The following NEK11 variants were observed in gnomAD, a reference collection of about 807,000 sequenced individuals.
The protein encoded by NEK11 is NIMA related kinase 11, also known as serine/threonine-protein kinase Nek11.
A neutral mutation model predicts 80.7 loss-of-function variants in NEK11; 72 were observed. The observed-to-expected ratio is 0.89, with a 90% CI of 0.74 to 1.08. The LOEUF is 1.08. NEK11 is among the 50% of genes least tolerant of loss of function. NEK11 has a pLI of 0.00. For missense variants in NEK11, 764 were observed against 763.6 expected (o/e 1.00, Z -0.01); for synonymous variants, 251 against 260.7 (o/e 0.96, Z 0.36).
chr3:131,337,237 T>A (rs2097200724), intron 17 of NEK11, among the ~76,000 whole-genome samples: 1 of 151,030 alleles, frequency 6.6e-6, no homozygotes, highest in Non-Finnish European at 1.5e-5. Context: ...AATGATAGAC[T>A]GGATTAAGAA....
At chr3:131,109,648 G>C (rs937785101) in intron 4 of NEK11, 155 bp from the exon 5 acceptor site, 10 of 757,326 alleles carry the variant, frequency 1.3e-5, no homozygotes, top group South Asian at 2.1e-5. Flanking sequence ...AAGGAACCTG[G>C]ATAGACTTTG....
intron 10 of NEK11, among the ~76,000 whole-genome samples, chr3:131,159,423 C>G (rs569711490): frequency 3.3e-5 from 5 of 152,216 alleles, no homozygotes; most frequent in South Asian, 2.1e-4. Context: ...AGAAAAATAG[C>G]TAGTATAGAA....
intron 17 of NEK11, among the ~76,000 whole-genome samples, chr3:131,274,896 A>G (rs1271665160): frequency 2.0e-4 from 29 of 144,608 alleles, no homozygotes; most frequent in African/African-American, 4.8e-4. Flanking sequence ...CTCGTGATCC[A>G]CCCGCCTCGG....
At chr3:131,136,328 G>C (rs1013134801) in intron 7 of NEK11, among the ~76,000 whole-genome samples, 5 of 152,110 alleles carry the variant, frequency 3.3e-5, no homozygotes, top group African/African-American at 1.2e-4. Context: ...ATTAATTATA[G>C]TGTCAGATAC....
At chr3:131,121,593 A>G (rs962013077) in intron 5 of NEK11, among the ~76,000 whole-genome samples, 1 of 152,192 alleles carries the variant, frequency 6.6e-6, no homozygotes, top group South Asian at 2.1e-4. Flanking sequence ...GGTGGAGTCT[A>G]CAGAGGCAGG....
intron 14 of NEK11, among the ~76,000 whole-genome samples, chr3:131,203,134 G>A (rs1049171697): frequency 6.6e-6 from 1 of 152,126 alleles, no homozygotes; most frequent in East Asian, 1.9e-4. Flanking sequence ...GCACTTGTAT[G>A]TTTATTGTGG....
At chr3:131,034,405 ATT>A (rs893287873) in intron 3 of NEK11, among the ~76,000 whole-genome samples, 7 of 148,132 alleles carry the variant, frequency 4.7e-5, no homozygotes, top group Non-Finnish European at 1.0e-4. Context: ...TACAATTTAA[ATT>A]TTTTTTTTTT....
chr3:131,255,079 G>GGAAAGAAA (rs59699596), intron 16 of NEK11, among the ~76,000 whole-genome samples: 5,026 of 119,054 alleles, frequency 0.042, 158 homozygotes, highest in African/African-American at 0.074. Context: ...ACAGAAAGAA[G>GGAAAGAAA]GAAAGAAAGA....
intron 3 of NEK11, among the ~76,000 whole-genome samples, chr3:131,032,007 G>C (rs2109309350): frequency 6.6e-6 from 1 of 151,504 alleles, no homozygotes; most frequent in Non-Finnish European, 1.5e-5. Context: ...TGTCTCCCAG[G>C]CTGAAGTGCA....
At chr3:131,075,783 A>G (rs1372898285) in intron 3 of NEK11, among the ~76,000 whole-genome samples, 1 of 152,210 alleles carries the variant, frequency 6.6e-6, no homozygotes, top group East Asian at 1.9e-4. Context: ...TCTGTGATGC[A>G]TAATTGCACT....
chr3:131,332,664 A>G (rs1212626794), intron 17 of NEK11, among the ~76,000 whole-genome samples: 1 of 152,148 alleles, frequency 6.6e-6, no homozygotes, highest in African/African-American at 2.4e-5. Context: ...TGATCAAAAT[A>G]CTCCGAGCTA....
At chr3:131,076,270 G>A (rs750557680) in intron 3 of NEK11, among the ~76,000 whole-genome samples, 45 of 152,220 alleles carry the variant, frequency 3.0e-4, no homozygotes, top group Admixed American at 3.9e-4. Context: ...ACAGCAGTAA[G>A]CAAATTGTGT....
At chr3:131,216,447 A>G (rs1291828408) in intron 14 of NEK11, among the ~76,000 whole-genome samples, 2 of 152,256 alleles carry the variant, frequency 1.3e-5, no homozygotes. Context: ...GCATTAGGCA[A>G]GGCTTGCAGC....
chr3:131,049,115 TA>T (rs1451594658), intron 3 of NEK11, among the ~76,000 whole-genome samples: 1 of 152,238 alleles, frequency 6.6e-6, no homozygotes, highest in Admixed American at 6.5e-5. Context: ...TGTAGTTAGC[TA>T]AAAGTTTCGT....
intron 14 of NEK11, among the ~76,000 whole-genome samples, chr3:131,174,081 T>G (rs1410604086): frequency 6.6e-6 from 1 of 152,162 alleles, no homozygotes; most frequent in African/African-American, 2.4e-5. Context: ...ATTCAAAAAA[T>G]AAACTTAGAA....
At chr3:131,127,108 A>C (rs768072953) in intron 5 of NEK11, among the ~76,000 whole-genome samples, 12 of 151,260 alleles carry the variant, frequency 7.9e-5, no homozygotes, top group Non-Finnish European at 1.2e-4. Context: ...TGGAACTACA[A>C]GTGCCTGCCA....
At chr3:131,149,042 A>G (rs1335091689) in intron 7 of NEK11, among the ~76,000 whole-genome samples, 1 of 151,940 alleles carries the variant, frequency 6.6e-6, no homozygotes, top group African/African-American at 2.4e-5. Context: ...ATTATTGTTA[A>G]CTATATTTTT....
intron 17 of NEK11, among the ~76,000 whole-genome samples, chr3:131,348,751 A>C (rs1000681298): frequency 2.0e-5 from 3 of 151,514 alleles, no homozygotes; most frequent in African/African-American, 7.3e-5. Flanking sequence ...GGAAAAAATG[A>C]ATGTCGGCCT....
intron 9 of NEK11, chr3:131,154,831 G>C: frequency 1.9e-6 from 1 of 526,084 alleles, no homozygotes; most frequent in Non-Finnish European, 3.4e-6. Context: ...AAGCTGGAGA[G>C]ACAGGCAGGA....
Sources: allele counts gnomAD v4.1 joint callset (sites outside exome capture counted in the v4.1 genomes callset), GRCh38; gene constraint gnomAD v4.1.1; transcripts MANE v1.5; gene names NCBI Gene and HGNC (gene_info 2026-07-23, HGNC 2026-07-21).